The following KLK14 variants were observed in gnomAD, a reference collection of about 807,000 sequenced individuals.
KLK14 encodes the protein kallikrein related peptidase 14.
KLK14 carries 21 observed loss-of-function variants against 24.6 expected under a neutral mutation model. The observed-to-expected ratio is 0.85, with a 90% confidence interval of 0.61 to 1.23. The LOEUF is 1.23. KLK14 is among the 50% of genes most tolerant of loss of function. KLK14 has a pLI of 0.00. For synonymous variants in KLK14, 133 were observed against 139.7 expected (o/e 0.95, Z 0.34); for missense variants, 320 against 338.9 (o/e 0.94, Z 0.44).
chr19:51,079,127 G>A (rs1213065162), intron 4 of KLK14, among the ~76,000 whole-genome samples, 176 bp from the exon 5 acceptor site: 1 of 103,414 alleles, frequency 9.7e-6, no homozygotes, highest in Non-Finnish European at 1.9e-5. Flanking sequence ...CAGACCCCCA[G>A]TCCCTCCTCC....
intron 2 of KLK14, 63 bp from the exon 3 acceptor site, chr19:51,081,766 T>C (rs1461299005): frequency 1.4e-6 from 2 of 1,390,890 alleles, no homozygotes; most frequent in African/African-American, 3.0e-5. Context: ...TCCACAAGTT[T>C]GTAGGATTCC....
intron 3 of KLK14, among the ~76,000 whole-genome samples, chr19:51,080,479 CATTCTGGCCTTTAT>C (rs1374942536): frequency 6.6e-6 from 1 of 152,192 alleles, no homozygotes; most frequent in African/African-American, 2.4e-5. Context: ...GTCTGGTTTG[CATTCTGGCCTTTAT>C]ATTCTAGACT....
chr19:51,083,074 C>T (rs974018960), upstream of KLK14, among the ~76,000 whole-genome samples: 1 of 151,808 alleles, frequency 6.6e-6, no homozygotes. Flanking sequence ...CATGAGAACC[C>T]GCCCAGGGAA....
upstream of KLK14, chr19:51,082,891 C>T: frequency 4.5e-6 from 4 of 887,620 alleles, no homozygotes; most frequent in Non-Finnish European, 7.0e-6. Flanking sequence ...GTCTCTCTTC[C>T]TAGTCACACT....
At chr19:51,082,988 C>T, upstream of KLK14, 1 of 581,478 alleles carries the variant, frequency 1.7e-6, no homozygotes, top group South Asian at 2.1e-5. Context: ...TTTTTTATTG[C>T]CTAGTTCCCA....
intron 4 of KLK14, 60 bp from the exon 5 acceptor site, chr19:51,079,011 G>C (rs2091820430): frequency 6.7e-7 from 1 of 1,486,508 alleles, no homozygotes; most frequent in Non-Finnish European, 9.0e-7. Context: ...AAGGGTCCAG[G>C]CCCCCAGCCC....
At chr19:51,077,679 T>C (rs1317132771), downstream of KLK14, among the ~76,000 whole-genome samples, 2 of 102,438 alleles carry the variant, frequency 2.0e-5, no homozygotes, top group Non-Finnish European at 4.0e-5. Context: ...GGGCTGGGCC[T>C]GGATTCCTGG....
intron 4 of KLK14, among the ~76,000 whole-genome samples, 153 bp from the exon 5 acceptor site, chr19:51,079,104 AGACCCAGGAGTCCAGACCCCCAGTC>A (rs1176479314): frequency 0.025 from 3,564 of 140,370 alleles, 136 homozygotes; most frequent in African/African-American, 0.088. Context: ...CTCCTCCCTC[AGACCCAGGAGTCCAGACCCCCAGTC>A]CCTCCTCCCT....
At chr19:51,083,827 C>T (rs1464965363), upstream of KLK14, among the ~76,000 whole-genome samples, 4 of 151,914 alleles carry the variant, frequency 2.6e-5, no homozygotes, top group African/African-American at 7.3e-5. Context: ...GGAGAGAGGC[C>T]GAGACGCCCC....
At chr19:51,081,738 T>C in intron 2 of KLK14, 35 bp from the exon 3 acceptor site, 4 of 1,472,284 alleles carry the variant, frequency 2.7e-6, no homozygotes, top group South Asian at 2.7e-5. Context: ...GGAAAGTAGA[T>C]GAGCAAACAC....
At chr19:51,080,431 T>C (rs1045246103) in intron 3 of KLK14, among the ~76,000 whole-genome samples, 1 of 152,212 alleles carries the variant, frequency 6.6e-6, no homozygotes, top group African/African-American at 2.4e-5. Context: ...GGGTTCTAGT[T>C]GGAGCTCTAG....
chr19:51,082,721 C>A lies in KLK14; in HGVS notation c.-23+1G>T. On this transcript the variant is annotated splice_donor_variant, in intron 1 of 5. Coordinates refer to ENST00000650543, the MANE Select transcript of KLK14 (RefSeq NM_001369775.2). LOFTEE classifies it low-confidence loss of function (5UTR_SPLICE). Reference sequence around the variant, plus strand: ...AGGCAGAGACAGCAAGGGGCACTTACCCAGAGCCCAAGACCCTCAGGGACA... The same window carrying A: ...AGGCAGAGACAGCAAGGGGCACTTAACCAGAGCCCAAGACCCTCAGGGACA... 1 of 1,613,968 alleles carries A rather than the reference C, an allele frequency of 6.2e-7. No individual in the cohort carries two copies.
chr19:51,082,862 T>C lies in KLK14; in HGVS notation c.-163A>G. 1 of 1,172,246 alleles carries C rather than the reference T, an allele frequency of 8.5e-7. No homozygotes were observed. Among genetic ancestry groups the C allele is most frequent in the Non-Finnish European group, 1.2e-6 (1 of 812,090 alleles). 72.6% of individuals were successfully genotyped at this position (1,172,246 alleles called of 1,614,324 possible). On this transcript the variant is annotated 5_prime_UTR_variant, in exon 1 of 6. Coordinates refer to ENST00000650543, the MANE Select transcript of KLK14 (RefSeq NM_001369775.2). Reference sequence around the variant, plus strand: ...CACAGGTCCCTCCTTGATGTCTTGATGAAGGAAGGAGGGGAGGTGTCTCTC... The same window carrying C: ...CACAGGTCCCTCCTTGATGTCTTGACGAAGGAAGGAGGGGAGGTGTCTCTC...
chr19:51,082,138 A>C (rs2091843726), intron 2 of KLK14, among the ~76,000 whole-genome samples: 1 of 149,008 alleles, frequency 6.7e-6, no homozygotes, highest in Non-Finnish European at 1.5e-5. Context: ...CTTGCCCCAC[A>C]CTTGCCCCCA....
intron 2 of KLK14, 46 bp from the exon 3 acceptor site, chr19:51,081,749 T>C: frequency 7.0e-7 from 1 of 1,436,140 alleles, no homozygotes; most frequent in Non-Finnish European, 9.3e-7. Context: ...GAGCAAACAC[T>C]CTCCACTCCA....
intron 4 of KLK14, among the ~76,000 whole-genome samples, 177 bp from the exon 5 acceptor site, chr19:51,079,128 TCCCTCCTCCCTC>T (rs2091822273): frequency 3.5e-5 from 1 of 28,748 alleles, no homozygotes; most frequent in African/African-American, 1.6e-4. Flanking sequence ...AGACCCCCAG[TCCCTCCTCCCTC>T]AGACCCGGGA....
intron 4 of KLK14, among the ~76,000 whole-genome samples, 171 bp downstream of exon 4, chr19:51,079,278 T>C (rs2091823634): frequency 8.2e-6 from 1 of 121,926 alleles, no homozygotes; most frequent in Admixed American, 8.4e-5. Flanking sequence ...CAGCTCCTCC[T>C]CCTTGAGACC....
rs2122744627 is a variant in KLK14, at chr19:51,078,231, A to T, written c.604-72T>A. On this transcript the variant is annotated intron_variant, in intron 5 of 5. Coordinates refer to ENST00000650543, the MANE Select transcript of KLK14 (RefSeq NM_001369775.2). The surrounding 1 kb of genome is among the most constrained non-coding windows in gnomAD (Gnocchi z 5.0). ...GAGCCACCATGGCACAGAGAACCCG[A>T]GAAGCAGACACAGGGAGACAGGCAG... The T allele has an allele frequency of 6.7e-7, 1 of 1,494,744 alleles. No homozygotes were observed. The highest frequency in any genetic ancestry group is 1.2e-5 in the South Asian group (1 of 83,508). 92.6% of individuals were successfully genotyped at this position (1,494,744 alleles called of 1,614,324 possible).
intron 3 of KLK14, 34 bp from the exon 4 acceptor site, chr19:51,079,736 G>T: frequency 6.5e-7 from 1 of 1,532,676 alleles, no homozygotes; most frequent in South Asian, 1.2e-5. Context: ...CGCTGCTCAG[G>T]GTCTGAGCCA....
Sources: allele counts gnomAD v4.1 joint callset (sites outside exome capture counted in the v4.1 genomes callset), GRCh38; gene constraint gnomAD v4.1.1; non-coding constraint Gnocchi (gnomAD v3.1); transcripts MANE v1.5; gene names NCBI Gene and HGNC (gene_info 2026-07-23, HGNC 2026-07-21).